The following LINGO1 variants were observed in gnomAD, a reference collection of about 807,000 sequenced individuals.
LINGO1 encodes leucine rich repeat and Ig domain containing 1.
LINGO1 carries 11 observed loss-of-function variants against 37.3 expected under a neutral mutation model. The ratio of observed to expected loss-of-function variants is 0.29; its 90% CI spans 0.19 to 0.49. The LOEUF is 0.49. Ranked by LOEUF, LINGO1 falls within the 20% of genes least tolerant of loss-of-function variation. The pLI is 0.99. For synonymous variants in LINGO1, 387 were observed against 403.0 expected (o/e 0.96, Z 0.48); for missense variants, 585 against 878.2 (o/e 0.67, Z 4.22).
chr15:77,661,370 A>G (rs1214801582), intron 3 of LINGO1, among the ~76,000 whole-genome samples: 4 of 152,230 alleles, frequency 2.6e-5, no homozygotes, highest in African/African-American at 7.2e-5. Flanking sequence ...GCTGCCCCCA[A>G]TGCCCACCCT....
At chr15:77,698,059 G>C (rs1237441695), upstream of LINGO1, among the ~76,000 whole-genome samples, 1 of 152,304 alleles carries the variant, frequency 6.6e-6, no homozygotes, top group Non-Finnish European at 1.5e-5. Flanking sequence ...ATGGATTTCA[G>C]GCAGGCGGAA....
chr15:77,620,686 A>G (rs1348735372), intron 1 of LINGO1, among the ~76,000 whole-genome samples: 2 of 152,232 alleles, frequency 1.3e-5, no homozygotes, highest in Admixed American at 6.5e-5. Context: ...TAAAGGGTAA[A>G]GGGGAATGGG....
intron 1 of LINGO1, chr15:77,695,905 G>C (rs2075684574): frequency 6.9e-6 from 1 of 144,952 alleles, no homozygotes; most frequent in African/African-American, 2.6e-5. Flanking sequence ...TTTTTCAAGA[G>C]AGAGAAACGG....
chr15:77,630,688 T>C (rs774567346), intron 1 of LINGO1, among the ~76,000 whole-genome samples: 9 of 152,112 alleles, frequency 5.9e-5, no homozygotes, highest in Non-Finnish European at 1.3e-4. Context: ...CAGCTTTAAC[T>C]AAGCCCTACC....
At chr15:77,653,760 G>C (rs1475290311) in intron 3 of LINGO1, among the ~76,000 whole-genome samples, 1 of 152,178 alleles carries the variant, frequency 6.6e-6, no homozygotes, top group Non-Finnish European at 1.5e-5. Context: ...AACCCTAACA[G>C]TCCATCTGAA....
At chr15:77,705,204 C>CACACACACACACACACACACACACA (rs1332650126) in intron 2 of LINGO1, among the ~76,000 whole-genome samples, 11 of 150,310 alleles carry the variant, frequency 7.3e-5, no homozygotes, top group African/African-American at 1.7e-4. Flanking sequence ...CACACACACA[C>CACACACACACACACACACACACACA]ACCAGTCCAC....
At position 77,780,497 on chromosome 15, in the gene LINGO1, T is replaced by C. The variant is rs559017590; in HGVS notation, c.-257+6372A>G. Among the ~76,000 whole-genome samples the C allele has an allele frequency of 9.2e-5, 14 of 151,944 alleles. No individual in the cohort carries two copies. In the South Asian group the frequency reaches 2.7e-3, roughly 29 times the overall value. On this transcript the variant is annotated intron_variant, in intron 1 of 3. Coordinates refer to the LINGO1 transcript ENST00000561686. Reference sequence around the variant, plus strand: ...GGAGTGTCTAGTATGCCCAGGCCTGTGCTGGGAGGAGACCTTGCGGAACAT... The same window carrying C: ...GGAGTGTCTAGTATGCCCAGGCCTGCGCTGGGAGGAGACCTTGCGGAACAT...
chr15:77,699,774 T>TGCACACAGTAAGCACATACTAACCA (rs2075757887), upstream of LINGO1, among the ~76,000 whole-genome samples: 6 of 9,072 alleles, frequency 6.6e-4, no homozygotes, highest in Non-Finnish European at 1.3e-3. Flanking sequence ...CTAACCATCA[T>TGCACACAGTAAGCACATACTAACCA]TCCCCCCCTC....
chr15:77,778,153 A>C (rs1313272828), intron 1 of LINGO1, among the ~76,000 whole-genome samples: 1 of 152,138 alleles, frequency 6.6e-6, no homozygotes, highest in East Asian at 1.9e-4. Context: ...GCTTTTGGTG[A>C]CCACGGTCAT....
chr15:77,789,125 C>G (rs1456487214), upstream of LINGO1, among the ~76,000 whole-genome samples: 1 of 151,714 alleles, frequency 6.6e-6, no homozygotes, highest in Admixed American at 6.6e-5. Context: ...AATCATAGCT[C>G]TAGTCGCCTG....
chr15:77,813,539 A>C (rs1227957231), intron 1 of LINGO1, among the ~76,000 whole-genome samples: 1 of 152,168 alleles, frequency 6.6e-6, no homozygotes, highest in Non-Finnish European at 1.5e-5. Flanking sequence ...GGTTTCCACC[A>C]GGCTGCATGC....
At chr15:77,735,031 T>TCAGG in exon 2 of LINGO1, 1 of 152,546 alleles carries the variant, frequency 6.6e-6, no homozygotes, top group African/African-American at 2.4e-5. Flanking sequence ...GGGCTCAAGA[T>TCAGG]CAGGGCCTCC....
intron 1 of LINGO1, among the ~76,000 whole-genome samples, chr15:77,773,621 G>A (rs1468437118): frequency 6.6e-6 from 1 of 152,038 alleles, no homozygotes; most frequent in Admixed American, 6.5e-5. Context: ...GGCACCTCTC[G>A]GCACAAGCGA....
At chr15:77,687,386 C>A (rs2075530179) in intron 2 of LINGO1, among the ~76,000 whole-genome samples, 1 of 152,194 alleles carries the variant, frequency 6.6e-6, no homozygotes, top group Non-Finnish European at 1.5e-5. Context: ...CTGTGAAAAG[C>A]CCAGGACTCT....
intron 1 of LINGO1, among the ~76,000 whole-genome samples, chr15:77,758,595 C>G (rs908999491): frequency 6.6e-6 from 1 of 152,142 alleles, no homozygotes; most frequent in African/African-American, 2.4e-5. Flanking sequence ...ACAGCCAAGC[C>G]TCGTATTCTT....
chr15:77,674,024 C>T (rs748446005), intron 3 of LINGO1, among the ~76,000 whole-genome samples: 38 of 152,078 alleles, frequency 2.5e-4, no homozygotes, highest in Non-Finnish European at 4.6e-4. Context: ...AAATGACTCA[C>T]GGTTGTTCAG....
At chr15:77,642,891 C>A (rs1226337182) in intron 3 of LINGO1, among the ~76,000 whole-genome samples, 5 of 152,250 alleles carry the variant, frequency 3.3e-5, no homozygotes, top group Admixed American at 3.3e-4. Context: ...TTGGTCTATC[C>A]CGCTGAGGCC....
chr15:77,702,820 C>T (rs1221277224), intron 2 of LINGO1, among the ~76,000 whole-genome samples: 1 of 152,234 alleles, frequency 6.6e-6, no homozygotes, highest in Non-Finnish European at 1.5e-5. Context: ...GCTTCAGCGG[C>T]ATGGCTGTGT....
rs1490724370 is a variant in LINGO1 at position 77,668,911 on chromosome 15, A to G, written c.-13+8178T>C. ...CTCCCTGTTGAGAAGGAAATAAAAAATCCCATGTGGTCTTCAGACACATGT... is the reference window on the plus strand; with the variant it reads ...CTCCCTGTTGAGAAGGAAATAAAAAGTCCCATGTGGTCTTCAGACACATGT... On this transcript the variant is annotated intron_variant, in intron 3 of 3. Coordinates refer to the LINGO1 transcript ENST00000559893. 2.6e-5 allele frequency among the ~76,000 whole-genome samples: 4 copies of G among 152,204 alleles called. No individual in the cohort carries two copies. In the East Asian group the frequency reaches 7.7e-4, roughly 29 times the overall value.
Sources: gnomAD v4.1 joint callset for allele counts (sites outside exome capture counted in the v4.1 genomes callset) on GRCh38, gnomAD v4.1.1 for gene constraint, MANE v1.5 for transcripts, NCBI Gene and HGNC (gene_info 2026-07-23, HGNC 2026-07-21) for gene names.